The following TNIK variants were observed in gnomAD, a reference collection of about 807,000 sequenced individuals.
TNIK encodes TRAF2 and NCK-interacting protein kinase.
TNIK carries 49 observed loss-of-function variants against 191.3 expected under a neutral mutation model. The observed-to-expected ratio is 0.26, with a 90% CI of 0.20 to 0.32. The LOEUF (loss-of-function observed/expected upper bound fraction) is 0.32, where lower values mean the gene tolerates loss of function less well. Among genes scored for constraint, TNIK ranks in the 10% least tolerant of loss-of-function variants. The pLI, the probability that TNIK is intolerant of heterozygous loss-of-function variation, is 1.00. For missense variants in TNIK, 1,155 were observed against 1,702.3 expected (o/e 0.68, Z 5.66); for synonymous variants, 594 against 600.9 (o/e 0.99, Z 0.17).
intron 29 of TNIK, 41 bp downstream of exon 29, chr3:171,071,182 T>C (rs1475873870): frequency 7.3e-6 from 11 of 1,515,302 alleles, no homozygotes; most frequent in Non-Finnish European, 9.7e-6. Context: ...AAACGGAAAA[T>C]TTTTAAAAAG....
intron 4 of TNIK, among the ~76,000 whole-genome samples, chr3:171,198,175 A>G (rs1028024484): frequency 2.6e-5 from 4 of 152,034 alleles, no homozygotes; most frequent in African/African-American, 9.7e-5. Context: ...AGGCAGGAGA[A>G]TGGCTTGAAC....
At chr3:171,217,922 C>G (rs1436206917) in intron 3 of TNIK, among the ~76,000 whole-genome samples, 1 of 152,044 alleles carries the variant, frequency 6.6e-6, no homozygotes, top group Non-Finnish European at 1.5e-5. Flanking sequence ...GGTCGTGTGG[C>G]TGGAGAGGAT....
At chr3:171,309,159 A>G (rs768187285) in intron 2 of TNIK, among the ~76,000 whole-genome samples, 1 of 143,240 alleles carries the variant, frequency 7.0e-6, no homozygotes, top group Non-Finnish European at 1.5e-5. Flanking sequence ...CTAAATGCCC[A>G]TCATTGGTAG....
chr3:171,119,927 C>T (rs1023003014), intron 18 of TNIK, among the ~76,000 whole-genome samples: 3 of 152,084 alleles, frequency 2.0e-5, no homozygotes, highest in African/African-American at 7.2e-5. Flanking sequence ...TGCACATGTA[C>T]CCTAAAACTT....
At chr3:171,329,281 AG>A (rs1295399695) in intron 2 of TNIK, among the ~76,000 whole-genome samples, 7 of 152,306 alleles carry the variant, frequency 4.6e-5, no homozygotes, top group Admixed American at 2.6e-4. Flanking sequence ...TACCATGGTA[AG>A]TATTTTTCAT....
chr3:171,125,869 C>A, intron 17 of TNIK, 43 bp downstream of exon 17: 2 of 1,603,176 alleles, frequency 1.2e-6, no homozygotes, highest in South Asian at 1.1e-5. Context: ...TAAAAATCAT[C>A]AGTGATGCTG....
At chr3:171,127,136 A>G (rs530505289) in intron 16 of TNIK, among the ~76,000 whole-genome samples, 1 of 152,352 alleles carries the variant, frequency 6.6e-6, no homozygotes, top group African/African-American at 2.4e-5. Context: ...GAAAAAATCT[A>G]CAGTGCCTTC....
chr3:171,168,049 C>T (rs183540932), intron 9 of TNIK, among the ~76,000 whole-genome samples: 1 of 152,270 alleles, frequency 6.6e-6, no homozygotes, highest in East Asian at 1.9e-4. Flanking sequence ...AAAGATAAAC[C>T]CCACGCCAGA....
At chr3:171,132,522 C>A (rs1729451062) in intron 15 of TNIK, among the ~76,000 whole-genome samples, 1 of 152,060 alleles carries the variant, frequency 6.6e-6, no homozygotes, top group Non-Finnish European at 1.5e-5. Flanking sequence ...CAAATATAGA[C>A]AACTTAAAAA....
At position 171,175,324 on chromosome 3, in the gene TNIK, C is replaced by G. The variant is rs756602396; in HGVS notation, c.701G>C (p.Cys234Ser). The G allele has an allele frequency of 1.2e-4, 189 of 1,609,262 alleles. No individual in the cohort carries two copies. Among genetic ancestry groups the G allele is most frequent in the Non-Finnish European group, 1.5e-4 (179 of 1,178,120 alleles). Residue 234 changes from cysteine (C) to serine (S), a missense_variant, in exon 9 of 33, where the codon TGT (cysteine) becomes TCT (serine). Cys to Ser is a moderately radical substitution (Grantham distance 112). Around this residue, in one of 3 missense-constraint regions of TNIK, gnomAD observed 225 missense variants for 438.9 expected, o/e 0.51. Coordinates refer to ENST00000436636, the MANE Select transcript of TNIK (RefSeq NM_015028.4). The part of the protein sequence containing the change: ...IEMAEGAPPL[C>S]DMHPMRALFL... Reference sequence around the variant, plus strand: ...GAGAGCTCTCATGGGGTGCATGTCACAGAGAGCTGCAAGAGACCAAAACAA... The same window carrying G: ...GAGAGCTCTCATGGGGTGCATGTCAGAGAGAGCTGCAAGAGACCAAAACAA...
intron 2 of TNIK, among the ~76,000 whole-genome samples, chr3:171,247,112 C>T (rs1476647345): frequency 2.0e-5 from 3 of 152,218 alleles, no homozygotes; most frequent in Non-Finnish European, 2.9e-5. Context: ...TCCTGTGTCA[C>T]GTAAGGAGTA....
intron 23 of TNIK, among the ~76,000 whole-genome samples, chr3:171,088,684 G>A (rs1242556925): frequency 6.6e-6 from 1 of 152,198 alleles, no homozygotes; most frequent in Non-Finnish European, 1.5e-5. Flanking sequence ...CTGGAGAGCA[G>A]TCTCTGCCAA....
chr3:171,194,379 C>CCA, intron 5 of TNIK, 146 bp downstream of exon 5: 1 of 694,558 alleles, frequency 1.4e-6, no homozygotes, highest in South Asian at 2.0e-5. Context: ...ACCACCACCA[C>CCA]CACCACTGAT....
intron 21 of TNIK, 116 bp downstream of exon 21, chr3:171,107,067 A>C: frequency 8.9e-7 from 1 of 1,119,976 alleles, no homozygotes; most frequent in Non-Finnish European, 1.3e-6. Flanking sequence ...GCAGATTGCT[A>C]CAAATCTCCT....
At chr3:171,178,988 T>C (rs1274040878) in intron 7 of TNIK, among the ~76,000 whole-genome samples, 1 of 152,134 alleles carries the variant, frequency 6.6e-6, no homozygotes, top group Non-Finnish European at 1.5e-5. Flanking sequence ...GGCAGAGGTC[T>C]GCACAATGTG....
intron 2 of TNIK, among the ~76,000 whole-genome samples, chr3:171,244,081 GAC>G (rs1372173901): frequency 4.4e-4 from 33 of 75,386 alleles, no homozygotes; most frequent in African/African-American, 1.4e-3. Flanking sequence ...TTTTTTTTAA[GAC>G]AGAGTCTCGC....
At chr3:171,313,037 CA>C (rs567969974) in intron 2 of TNIK, among the ~76,000 whole-genome samples, 11 of 152,052 alleles carry the variant, frequency 7.2e-5, no homozygotes, top group South Asian at 4.2e-4. Context: ...GATTATACAT[CA>C]GGGGAATCAC....
At chr3:171,320,177 T>C (rs943420189) in intron 2 of TNIK, among the ~76,000 whole-genome samples, 1 of 152,170 alleles carries the variant, frequency 6.6e-6, no homozygotes, top group Non-Finnish European at 1.5e-5. Context: ...CGTTGGCCTA[T>C]TATATTTCAG....
intron 12 of TNIK, among the ~76,000 whole-genome samples, chr3:171,145,433 C>A (rs1156828303): frequency 6.6e-6 from 1 of 152,066 alleles, no homozygotes; most frequent in African/African-American, 2.4e-5. Flanking sequence ...GGCTATACAC[C>A]CAGTGGTGGG....
Sources: allele counts gnomAD v4.1 joint callset (sites outside exome capture counted in the v4.1 genomes callset), GRCh38; gene constraint gnomAD v4.1.1; regional missense constraint gnomAD v4.1.1; transcripts MANE v1.5; gene names NCBI Gene and HGNC (gene_info 2026-07-23, HGNC 2026-07-21).